LRRFIP2: variants seen among roughly 807,000 people sequenced by gnomAD.
The protein encoded by LRRFIP2 is LRR binding FLII interacting protein 2.
In LRRFIP2, 109 loss-of-function variants were observed where a neutral mutation model predicts 125.9. The observed-to-expected ratio is 0.87, with a 90% CI of 0.74 to 1.01. LRRFIP2 has a LOEUF of 1.01. LRRFIP2 is among the 50% of genes least tolerant of loss of function. The pLI is 0.00. For synonymous variants in LRRFIP2, 291 were observed against 293.1 expected (o/e 0.99, Z 0.07); for missense variants, 850 against 862.3 (o/e 0.99, Z 0.18).
chr3:37,093,108 GAT>G (rs1242147961), intron 17 of LRRFIP2: 4 of 152,626 alleles, frequency 2.6e-5, no homozygotes, highest in African/African-American at 4.8e-5. Context: ...AAAGTCCTGG[GAT>G]TACATGGGTG....
chr3:37,102,957 C>T lies in LRRFIP2; in HGVS notation c.840G>A (p.Glu280=), dbSNP rs752783325. Residue 280 remains glutamate, a synonymous_variant, in exon 15 of 28, where the codon GAG becomes GAA. Transcript: ENST00000336686. The stretch of plus-strand genomic sequence containing the variant: ...AATCTGGGATACTGATATCATCCAC[C>T]TCAGAGACAACACTTCCCCTACGAT... ...RSNRRGSVVS[E]VDDISIPDLS... is the part of the protein sequence containing the mutation. 1.9e-6 allele frequency: 3 copies of T among 1,565,528 alleles called. No individual in the cohort carries two copies. Among genetic ancestry groups the T allele is most frequent in the East Asian group, 2.3e-5 (1 of 42,890 alleles).
chr3:37,067,560 A>T (rs555485672), intron 21 of LRRFIP2: 94 of 152,354 alleles, frequency 6.2e-4, no homozygotes, highest in African/African-American at 2.1e-3. Context: ...ATTGCTGAGA[A>T]ATTGATAGCT....
chr3:37,076,797 C>T (rs1025483904), intron 19 of LRRFIP2, among the ~76,000 whole-genome samples: 1 of 151,196 alleles, frequency 6.6e-6, no homozygotes, highest in African/African-American at 2.4e-5. Context: ...ACCTGGGAGG[C>T]GGAGATTGTG....
intron 24 of LRRFIP2, among the ~76,000 whole-genome samples, chr3:37,061,251 G>A (rs1175982745): frequency 1.3e-5 from 2 of 152,148 alleles, no homozygotes; most frequent in Non-Finnish European, 2.9e-5. Flanking sequence ...GGACGAGGTG[G>A]GTGGATCACC....
chr3:37,110,927 T>C (rs2094525037), intron 9 of LRRFIP2, 64 bp downstream of exon 9: 7 of 1,471,556 alleles, frequency 4.8e-6, no homozygotes, highest in Non-Finnish European at 6.6e-6. Context: ...AAATGCAAAA[T>C]GGGGAGATTA....
intron 6 of LRRFIP2, among the ~76,000 whole-genome samples, chr3:37,121,117 G>A (rs1332236908): frequency 6.6e-6 from 1 of 152,186 alleles, no homozygotes; most frequent in Admixed American, 6.5e-5. Context: ...AAGCCCCAAA[G>A]CTATTTTGCA....
chr3:37,122,767 T>C (rs1056472434), intron 4 of LRRFIP2, among the ~76,000 whole-genome samples: 3 of 152,208 alleles, frequency 2.0e-5, no homozygotes, highest in African/African-American at 7.2e-5. Context: ...AAAAAAATGA[T>C]TGCAGCCTAA....
At chr3:37,113,983 C>T (rs537732867) in intron 7 of LRRFIP2, among the ~76,000 whole-genome samples, 1 of 152,214 alleles carries the variant, frequency 6.6e-6, no homozygotes, top group Non-Finnish European at 1.5e-5. Context: ...GTACTACTTG[C>T]CTGAAATAAG....
At chr3:37,088,497 T>A (rs1282961098) in intron 18 of LRRFIP2, among the ~76,000 whole-genome samples, 1 of 147,328 alleles carries the variant, frequency 6.8e-6, no homozygotes, top group African/African-American at 2.5e-5. Context: ...AGCAACATGG[T>A]GAGACTGCAT....
intron 1 of LRRFIP2, among the ~76,000 whole-genome samples, chr3:37,169,749 T>A (rs1280872754): frequency 6.6e-6 from 1 of 152,222 alleles, no homozygotes; most frequent in Non-Finnish European, 1.5e-5. Context: ...ATATCTGTTA[T>A]ATCAAAAGTA....
intron 20 of LRRFIP2, 85 bp downstream of exon 20, chr3:37,074,939 A>G: frequency 5.1e-5 from 41 of 800,868 alleles, no homozygotes; most frequent in Non-Finnish European, 6.1e-5. Flanking sequence ...GATGCATCTT[A>G]ACTCTCCTTC....
At chr3:37,079,770 G>A (rs2092459504) in intron 19 of LRRFIP2, among the ~76,000 whole-genome samples, 2 of 152,120 alleles carry the variant, frequency 1.3e-5, no homozygotes, top group Non-Finnish European at 2.9e-5. Context: ...ATTGATACAT[G>A]GTATAACATG....
At chr3:37,106,155 C>T (rs1369973593) in intron 13 of LRRFIP2, among the ~76,000 whole-genome samples, 3 of 151,990 alleles carry the variant, frequency 2.0e-5, no homozygotes, top group African/African-American at 7.3e-5. Flanking sequence ...CTTTGGGATC[C>T]CATCAGGGGT....
rs1436414455 is a variant in LRRFIP2 at position 37,077,153 on chromosome 3, T to C, written c.1279-2037A>G. Among the ~76,000 whole-genome samples the C allele has an allele frequency of 2.0e-5, 3 of 152,180 alleles. No individual in the cohort carries two copies. In the East Asian group the frequency reaches 5.8e-4, roughly 29 times the overall value. ...GAGACTACAGCAGTATCTGCAAAAC[T>C]ACATACCTTTCGACCCAGCAATCTC... On this transcript the variant is annotated intron_variant, in intron 19 of 27. Transcript: ENST00000336686.
In LRRFIP2 at chr3:37,091,493, A is replaced by G. The variant is rs772444735; in HGVS notation, c.1081T>C (p.Tyr361His). 1 of 1,612,518 alleles carries G rather than the reference A, an allele frequency of 6.2e-7. No homozygotes were observed. The highest frequency in any genetic ancestry group is 1.1e-5 in the South Asian group (1 of 90,858). The stretch of plus-strand genomic sequence containing the variant: ...TTTAGTTCTTTAAGCCCCTGCATGT[A>G]TCTCCCTTCTACATCCTGTATCTGG... ...KDQIQDVEGR[Y>H]MQGLKELKES... Residue 361 changes from tyrosine to histidine, a missense_variant, in exon 18 of 28, where the codon TAC becomes CAC. Physicochemically the swap from Tyr to His is moderately conservative, Grantham distance 83. Coordinates refer to ENST00000336686, the MANE Select transcript of LRRFIP2 (RefSeq NM_006309.4).
intron 19 of LRRFIP2, among the ~76,000 whole-genome samples, chr3:37,079,440 A>T (rs2092430521): frequency 6.6e-6 from 1 of 152,196 alleles, no homozygotes; most frequent in South Asian, 2.1e-4. Flanking sequence ...TATACTTAAG[A>T]AAAAGGAAAG....
intron 6 of LRRFIP2, among the ~76,000 whole-genome samples, chr3:37,121,267 G>A (rs6780799): frequency 0.4 from 60,976 of 151,992 alleles, 12,809 homozygotes; most frequent in Non-Finnish European, 0.46. Flanking sequence ...AAAAGAGATT[G>A]GACCCATGTT....
At chr3:37,130,653 C>A (rs532663383) in intron 2 of LRRFIP2, among the ~76,000 whole-genome samples, 2 of 152,182 alleles carry the variant, frequency 1.3e-5, no homozygotes, top group Admixed American at 6.5e-5. Context: ...TCTCTCAGGA[C>A]GTCAATCATC....
At chr3:37,100,848 C>T (rs181151355) in intron 15 of LRRFIP2, among the ~76,000 whole-genome samples, 36 of 152,168 alleles carry the variant, frequency 2.4e-4, no homozygotes, top group African/African-American at 8.7e-4. Context: ...AGTCTTCTAA[C>T]TTTGTATGCA....
Sources: gnomAD v4.1 joint callset for allele counts (sites outside exome capture counted in the v4.1 genomes callset) on GRCh38, gnomAD v4.1.1 for gene constraint, MANE v1.5 for transcripts, NCBI Gene and HGNC (gene_info 2026-07-23, HGNC 2026-07-21) for gene names.